Variants in SEMA3F observed in about 807,000 individuals in gnomAD.
The protein encoded by SEMA3F is semaphorin-3F.
In SEMA3F, 30 loss-of-function variants were observed where a neutral mutation model predicts 98.5. The observed-to-expected ratio is 0.30, with a 90% CI of 0.23 to 0.41. The LOEUF (loss-of-function observed/expected upper bound fraction) is 0.41. Ranked by LOEUF, SEMA3F falls within the 10% of genes least tolerant of loss-of-function variation. The pLI, the probability that SEMA3F is intolerant of heterozygous loss-of-function variation, is 1.00. For missense variants in SEMA3F, 866 were observed against 1,119.3 expected (o/e 0.77, Z 3.23); for synonymous variants, 380 against 444.8 (o/e 0.85, Z 1.83).
rs2109046779 is a variant in SEMA3F, at chr3:50,156,879, G to T, written c.-49+1315G>T. Among the ~76,000 whole-genome samples, 1 of 152,232 alleles carries T rather than the reference G, an allele frequency of 6.6e-6. No individual in the cohort carries two copies. ...GAGCCAGGCTCAGGTGACCTTGACT[G>T]GGAAACCCTGGCCACAAAAGGGGGG... On this transcript the variant is annotated intron_variant, in intron 1 of 18. Transcript: ENST00000002829. The surrounding 1 kb of genome is among the most constrained non-coding windows in gnomAD (Gnocchi z 4.5).
intron 2 of SEMA3F, among the ~76,000 whole-genome samples, chr3:50,165,340 A>G (rs982722733): frequency 6.6e-6 from 1 of 152,204 alleles, no homozygotes; most frequent in Non-Finnish European, 1.5e-5. Context: ...CTTTTTCCTC[A>G]TGGCAGAGGT....
At chr3:50,169,841 T>G (rs1698535542) in intron 2 of SEMA3F, among the ~76,000 whole-genome samples, 1 of 152,182 alleles carries the variant, frequency 6.6e-6, no homozygotes. Context: ...CTGTCCCAAG[T>G]CCCTGTCCCT....
Position 50,184,640 on chromosome 3 carries a change from C to T in SEMA3F, c.1282C>T (p.Pro428Ser). Residue 428 changes from proline to serine, a missense_variant, in exon 13 of 19, where the codon CCT (proline) becomes TCT (serine). By Grantham distance (74) the Pro-to-Ser change is moderately conservative. Around this residue, in one of 3 missense-constraint regions of SEMA3F, gnomAD observed 374 missense variants for 582.8 expected, o/e 0.64. Transcript: ENST00000002829. The stretch of plus-strand genomic sequence containing the variant: ...ATCTATGAAGTCCACCAAGGATTAT[C>T]CTGATGAGGTGATCAACTTCATGCG... ...TPSMKSTKDYPDEVINFMRSH... is the reference protein window; with the variant it reads ...TPSMKSTKDYSDEVINFMRSH... The T allele has an allele frequency of 6.2e-7, 1 of 1,614,146 alleles. No individual in the cohort carries two copies.
At chr3:50,173,394 C>T (rs1340278961) in intron 2 of SEMA3F, 1 of 194,322 alleles carries the variant, frequency 5.1e-6, no homozygotes, top group Non-Finnish European at 1.1e-5. Flanking sequence ...ATCGCTTGAA[C>T]CCGGGAGGCG....
chr3:50,165,927 G>A (rs75208336), intron 2 of SEMA3F, among the ~76,000 whole-genome samples: 10,855 of 152,246 alleles, frequency 0.071, 572 homozygotes, highest in Non-Finnish European at 0.11. Context: ...GTTGGGGAGG[G>A]AGTGGGGCTC....
chr3:50,155,264 A>G, upstream of SEMA3F: 2 of 328,540 alleles, frequency 6.1e-6, no homozygotes, highest in South Asian at 1.4e-4. The surrounding 1 kb of genome is among the most constrained non-coding windows in gnomAD (Gnocchi z 4.9). Flanking sequence ...GCGCTGGGGA[A>G]TGCGCCCTCG....
At chr3:50,183,111 C>A in intron 10 of SEMA3F, 75 bp from the exon 11 acceptor site, 1 of 1,569,032 alleles carries the variant, frequency 6.4e-7, no homozygotes, top group Non-Finnish European at 8.8e-7. Flanking sequence ...GGGCCCCCTC[C>A]CCTGTGCAGG....
At chr3:50,169,619 A>G (rs1698529217) in intron 2 of SEMA3F, among the ~76,000 whole-genome samples, 1 of 152,092 alleles carries the variant, frequency 6.6e-6, no homozygotes, top group East Asian at 1.9e-4. Context: ...TCTGGGCTGG[A>G]GTCCTGATCC....
intron 5 of SEMA3F, 103 bp from the exon 6 acceptor site, chr3:50,174,993 C>T (rs1346178461): frequency 9.1e-6 from 7 of 771,378 alleles, no homozygotes; most frequent in Non-Finnish European, 1.4e-5. Flanking sequence ...CCCACGTGTT[C>T]ACGTGTGTTC....
chr3:50,181,612 A>G (rs986528942), intron 7 of SEMA3F, among the ~76,000 whole-genome samples: 1 of 142,084 alleles, frequency 7.0e-6, no homozygotes, highest in Non-Finnish European at 1.5e-5. Context: ...GGCATAAGCC[A>G]CCATGCCCGG....
intron 2 of SEMA3F, among the ~76,000 whole-genome samples, chr3:50,160,688 G>A (rs558616354): frequency 6.6e-6 from 1 of 152,350 alleles, no homozygotes; most frequent in Non-Finnish European, 1.5e-5. Context: ...ACTCAGCCCT[G>A]GCTGGCCAGA....
At chr3:50,161,437 G>A (rs1200860471) in intron 2 of SEMA3F, among the ~76,000 whole-genome samples, 3 of 152,212 alleles carry the variant, frequency 2.0e-5, no homozygotes, top group Non-Finnish European at 2.9e-5. Flanking sequence ...CCCACATCGC[G>A]TCAGGTCGAT....
At chr3:50,181,596 ACAG>A (rs1400611452) in intron 7 of SEMA3F, among the ~76,000 whole-genome samples, 2 of 149,930 alleles carry the variant, frequency 1.3e-5, no homozygotes, top group Admixed American at 6.7e-5. Flanking sequence ...TGCTGGGATT[ACAG>A]GAGGCATAAG....
chr3:50,158,775 A>G lies in SEMA3F; in HGVS notation c.-48-800A>G, dbSNP rs1698093888. On this transcript the variant is annotated intron_variant, in intron 1 of 18. Coordinates refer to ENST00000002829, the MANE Select transcript of SEMA3F (RefSeq NM_004186.5). This position sits in a 1 kb window ranked among gnomAD's most constrained non-coding sequence, Gnocchi z 4.8. Reference sequence around the variant, plus strand: ...CAACAGCCAGCCTGCCTGGGGAGACAATATTTGAAAAACACAGTATTGAAA... The same window carrying G: ...CAACAGCCAGCCTGCCTGGGGAGACGATATTTGAAAAACACAGTATTGAAA... Among the ~76,000 whole-genome samples, 2 of 152,190 alleles carry G rather than the reference A, an allele frequency of 1.3e-5. No homozygotes were observed. Among genetic ancestry groups the G allele is most frequent in the South Asian group, 4.1e-4 (2 of 4,834 alleles).
chr3:50,186,215 G>A, intron 16 of SEMA3F, 66 bp from the exon 17 acceptor site: 1 of 1,550,926 alleles, frequency 6.4e-7, no homozygotes, highest in Non-Finnish European at 8.9e-7. Flanking sequence ...CTGGAGTCAG[G>A]GAGATACAGG....
intron 7 of SEMA3F, among the ~76,000 whole-genome samples, chr3:50,181,066 C>CAAAAAAAA (rs74579972): frequency 1.0e-5 from 1 of 95,480 alleles, no homozygotes; most frequent in Non-Finnish European, 2.1e-5. Flanking sequence ...GACTCCATCT[C>CAAAAAAAA]AAAAAAAAAA....
intron 2 of SEMA3F, among the ~76,000 whole-genome samples, chr3:50,171,880 C>T (rs1698623800): frequency 6.6e-6 from 1 of 152,198 alleles, no homozygotes; most frequent in African/African-American, 2.4e-5. Context: ...TGCGTCCCAG[C>T]GGTTGGCCAA....
In SEMA3F at chr3:50,185,936, G is replaced by A. The variant is rs1204412002; in HGVS notation, c.1635G>A (p.Leu545=). ...CCGTGGGTGTCACACACCTGAGCCTGCACCGCTGCCAGGCGTATGGGGCTG... is the reference window on the plus strand; with the variant it reads ...CCGTGGGTGTCACACACCTGAGCCTACACCGCTGCCAGGCGTATGGGGCTG... ...ASAVGVTHLS[L]HRCQAYGAAC... is the part of the protein sequence containing the mutation. Residue 545 remains leucine, a synonymous_variant, in exon 16 of 19, where the codon CTG becomes CTA. Coordinates refer to ENST00000002829, the MANE Select transcript of SEMA3F (RefSeq NM_004186.5). The A allele has an allele frequency of 1.2e-6, 2 of 1,613,864 alleles. No homozygotes were observed. Among genetic ancestry groups the A allele is most frequent in the Admixed American group, 3.3e-5 (2 of 60,006 alleles).
At chr3:50,164,335 C>T (rs915985798) in intron 2 of SEMA3F, among the ~76,000 whole-genome samples, 3 of 152,176 alleles carry the variant, frequency 2.0e-5, no homozygotes, top group South Asian at 2.1e-4. Flanking sequence ...GCTTCGTAAT[C>T]GTAAAGAATT....
Sources: gnomAD v4.1 joint callset for allele counts (sites outside exome capture counted in the v4.1 genomes callset) on GRCh38, gnomAD v4.1.1 for gene constraint, gnomAD v4.1.1 regional missense constraint, Gnocchi (gnomAD v3.1) non-coding constraint, MANE v1.5 for transcripts, NCBI Gene and HGNC (gene_info 2026-07-23, HGNC 2026-07-21) for gene names.